WDR7: variants seen among roughly 807,000 people sequenced by gnomAD.
WDR7 encodes WD repeat-containing protein 7.
In WDR7, 46 loss-of-function variants were observed where a neutral mutation model predicts 169.4. That is an observed-to-expected ratio of 0.27 (90% CI 0.21 to 0.35). The LOEUF (loss-of-function observed/expected upper bound fraction) is 0.35, where lower values mean the gene tolerates loss of function less well. Ranked by LOEUF, WDR7 falls within the 10% of genes least tolerant of loss-of-function variation. The pLI, the probability that WDR7 is intolerant of heterozygous loss-of-function variation, is 1.00. For synonymous variants in WDR7, 612 were observed against 666.8 expected, an observed-to-expected ratio of 0.92 and a Z score of 1.27; for missense variants, 1,534 against 1,859.3, an observed-to-expected ratio of 0.83 and a Z score of 3.22.
intron 19 of WDR7, among the ~76,000 whole-genome samples, chr18:56,811,483 G>C (rs2044868764): frequency 6.6e-6 from 1 of 152,068 alleles, no homozygotes; most frequent in African/African-American, 2.4e-5. Flanking sequence ...TAGAACAAAA[G>C]TCTAAAAATT....
intron 2 of WDR7, among the ~76,000 whole-genome samples, chr18:56,674,913 A>G (rs903598840): frequency 1.3e-5 from 2 of 152,186 alleles, no homozygotes; most frequent in African/African-American, 2.4e-5. Context: ...TCCTAGCACT[A>G]TTGGTCAGAA....
chr18:56,767,838 G>A (rs902724122), intron 16 of WDR7, among the ~76,000 whole-genome samples: 1 of 152,100 alleles, frequency 6.6e-6, no homozygotes, highest in Non-Finnish European at 1.5e-5. Context: ...GACACAACCA[G>A]CACTTTTTAA....
chr18:56,921,573 A>G (rs1002252367), intron 21 of WDR7, among the ~76,000 whole-genome samples: 2 of 152,136 alleles, frequency 1.3e-5, no homozygotes, highest in African/African-American at 2.4e-5. Context: ...GCTGAGCCAC[A>G]CATTCTCACA....
chr18:56,871,062 G>A (rs1455932641), intron 20 of WDR7, among the ~76,000 whole-genome samples: 1 of 152,054 alleles, frequency 6.6e-6, no homozygotes, highest in East Asian at 1.9e-4. Flanking sequence ...ATATTTTACT[G>A]GTCTGAAAAT....
At chr18:56,699,640 G>A (rs2025779951) in intron 12 of WDR7, among the ~76,000 whole-genome samples, 1 of 152,164 alleles carries the variant, frequency 6.6e-6, no homozygotes, top group African/African-American at 2.4e-5. Flanking sequence ...AATGTCAGTT[G>A]TGTGTAAAAA....
At chr18:56,668,231 T>C (rs569031501) in intron 1 of WDR7, among the ~76,000 whole-genome samples, 73 of 152,320 alleles carry the variant, frequency 4.8e-4, no homozygotes, top group African/African-American at 1.7e-3. Context: ...GCATGTTGGC[T>C]ATTGGTTGTT....
intron 1 of WDR7, among the ~76,000 whole-genome samples, chr18:56,663,253 T>G (rs1442004167): frequency 2.6e-5 from 4 of 152,222 alleles, no homozygotes; most frequent in Admixed American, 2.6e-4. Flanking sequence ...ATATGCGTTT[T>G]GGGAGGACAT....
chr18:57,034,256 A>G (rs1319246672), downstream of WDR7: 1 of 152,304 alleles, frequency 6.6e-6, no homozygotes, highest in Non-Finnish European at 1.5e-5. Context: ...CTCCATTTCA[A>G]AACCACTTGG....
chr18:56,795,620 A>G (rs1019993148), intron 19 of WDR7, among the ~76,000 whole-genome samples: 1 of 152,150 alleles, frequency 6.6e-6, no homozygotes, highest in Non-Finnish European at 1.5e-5. Flanking sequence ...TACTGTCAGC[A>G]CTGCCATACA....
chr18:56,823,750 T>C (rs2045145419), intron 20 of WDR7, among the ~76,000 whole-genome samples: 2 of 152,226 alleles, frequency 1.3e-5, no homozygotes, highest in Non-Finnish European at 2.9e-5. Context: ...TTTTTAACAA[T>C]GTCCACATAC....
chr18:56,947,907 T>C (rs2145727403), intron 25 of WDR7, among the ~76,000 whole-genome samples: 1 of 152,348 alleles, frequency 6.6e-6, no homozygotes, highest in South Asian at 2.1e-4. Flanking sequence ...TCTTGGAAGC[T>C]ACTATCAAGG....
At position 57,027,083 on chromosome 18, in the gene WDR7, C is replaced by T; in HGVS notation, c.4349C>T (p.Pro1450Leu). Residue 1450 changes from proline (P) to leucine (L), a missense_variant, in exon 28 of 28, where the codon CCC (proline) becomes CTC (leucine). Transcript: ENST00000254442. ...QLRCIKTYQVPPVQPASPGSH... is the reference protein window; with the variant it reads ...QLRCIKTYQVLPVQPASPGSH... ...CGCTGCATTAAAACCTACCAGGTGCCCCCTGTGCAGCCCGCGTCCCCCGGC... is the reference window on the plus strand; with the variant it reads ...CGCTGCATTAAAACCTACCAGGTGCTCCCTGTGCAGCCCGCGTCCCCCGGC... 2 of 1,614,188 alleles carry T rather than the reference C, an allele frequency of 1.2e-6. No homozygotes were observed. Among genetic ancestry groups the T allele is most frequent in the South Asian group, 2.2e-5 (2 of 91,084 alleles).
intron 21 of WDR7, among the ~76,000 whole-genome samples, chr18:56,914,765 G>A (rs925181031): frequency 2.6e-5 from 4 of 152,014 alleles, no homozygotes; most frequent in African/African-American, 4.8e-5. Context: ...GGTAGAAGAC[G>A]GCTACATGCA....
chr18:56,932,774 G>A (rs1186539978), intron 22 of WDR7, among the ~76,000 whole-genome samples: 2 of 152,140 alleles, frequency 1.3e-5, no homozygotes, highest in African/African-American at 2.4e-5. Context: ...ATAAGGGTAA[G>A]GGGAAACTAT....
intron 25 of WDR7, among the ~76,000 whole-genome samples, chr18:56,955,456 T>G (rs2047237874): frequency 6.6e-6 from 1 of 152,174 alleles, no homozygotes; most frequent in Non-Finnish European, 1.5e-5. Context: ...ATGGAAGCTA[T>G]AAAATAATTT....
chr18:56,718,027 C>A lies in WDR7; in HGVS notation c.1642C>A (p.Arg548=), dbSNP rs2026231305. 2 of 1,613,918 alleles carry A rather than the reference C, an allele frequency of 1.2e-6. No homozygotes were observed. Among genetic ancestry groups the A allele is most frequent in the African/African-American group, 1.3e-5 (1 of 74,902 alleles). Reference sequence around the variant, plus strand: ...CCACTCAGTAGGACTTCTAAGTTTGCGAGAGAAAAAATGCATAATGTTGGC... The same window carrying A: ...CCACTCAGTAGGACTTCTAAGTTTGAGAGAGAAAAAATGCATAATGTTGGC... The part of the protein sequence containing the change: ...SDHSVGLLSL[R]EKKCIMLASR... Residue 548 remains arginine, a synonymous_variant, in exon 13 of 28, where the codon CGA becomes AGA. Coordinates refer to ENST00000254442, the MANE Select transcript of WDR7 (RefSeq NM_015285.3).
chr18:56,675,593 T>C (rs148798110), intron 2 of WDR7, among the ~76,000 whole-genome samples: 1 of 151,992 alleles, frequency 6.6e-6, no homozygotes, highest in East Asian at 1.9e-4. Flanking sequence ...TTACTTCTAA[T>C]AGTTTTTTAG....
chr18:56,939,094 T>C (rs2046999951), intron 24 of WDR7, among the ~76,000 whole-genome samples: 1 of 152,142 alleles, frequency 6.6e-6, no homozygotes, highest in South Asian at 2.1e-4. Context: ...GTCTGTTGTC[T>C]TTATTTTATT....
chr18:56,883,209 C>CAAAAAA (rs767585796), intron 21 of WDR7, among the ~76,000 whole-genome samples: 1 of 55,460 alleles, frequency 1.8e-5, no homozygotes, highest in African/African-American at 4.8e-5. Context: ...GACTCCGTCT[C>CAAAAAA]AAAAAAAAAA....
Sources: allele counts gnomAD v4.1 joint callset (sites outside exome capture counted in the v4.1 genomes callset), GRCh38; gene constraint gnomAD v4.1.1; transcripts MANE v1.5; gene names NCBI Gene and HGNC (gene_info 2026-07-23, HGNC 2026-07-21).